CDK2AP1: variants seen among roughly 807,000 people sequenced by gnomAD.
CDK2AP1 encodes the protein cyclin-dependent kinase 2-associated protein 1.
Under a neutral mutation model 14.1 loss-of-function variants are expected in CDK2AP1, and 10 were observed. The observed-to-expected ratio is 0.71, with a 90% CI of 0.44 to 1.20. The LOEUF (loss-of-function observed/expected upper bound fraction) is 1.20. Among genes scored for constraint, CDK2AP1 ranks in the 50% most tolerant of loss-of-function variants. The pLI is 0.00. For missense variants in CDK2AP1, 102 were observed against 149.9 expected (o/e 0.68, Z 1.67); for synonymous variants, 59 against 59.8 (o/e 0.99, Z 0.06).
intron 1 of CDK2AP1, chr12:123,268,282 C>A: frequency 1.0e-6 from 1 of 971,902 alleles, no homozygotes; most frequent in African/African-American, 1.8e-5. Flanking sequence ...TGGTGCCAGG[C>A]TGGCCAAACC....
At position 123,265,489 on chromosome 12, in the gene CDK2AP1, C is replaced by A. The variant is rs2048280624; in HGVS notation, c.154-167G>T. 7.0e-6 allele frequency among the ~76,000 whole-genome samples: 1 copy of A among 142,024 alleles called. No homozygotes were observed. Among genetic ancestry groups the A allele is most frequent in the South Asian group, 2.3e-4 (1 of 4,296 alleles). The allele number at this position is 142,024 out of a possible 152,430, so 93.2% of individuals were successfully genotyped here. A position where few individuals can be genotyped will look rare whatever the true frequency, so the allele number is the denominator to read the frequency against. On this transcript the variant is annotated intron_variant, in intron 2 of 3. Transcript: ENST00000261692. The surrounding 1 kb of genome is among the most constrained non-coding windows in gnomAD (Gnocchi z 5.3). The stretch of plus-strand genomic sequence containing the variant: ...CTGCACTCCAGCCTGGGCAACAGAG[C>A]GAGACTCCATCTCGGGGGAAAAAAA...
chr12:123,269,175 C>CAGACAG (rs1272055865), intron 1 of CDK2AP1: 2 of 152,620 alleles, frequency 1.3e-5, no homozygotes, highest in African/African-American at 4.8e-5. Flanking sequence ...TGTGTGACCT[C>CAGACAG]AGACAGGCTC....
At chr12:123,271,135 G>A in intron 1 of CDK2AP1, 1 of 576,024 alleles carries the variant, frequency 1.7e-6, no homozygotes, top group Non-Finnish European at 2.2e-6. Context: ...GCTGCTTCAC[G>A]ACCCCGCTCC....
intron 1 of CDK2AP1, among the ~76,000 whole-genome samples, chr12:123,268,807 C>A (rs994513397): frequency 3.3e-5 from 5 of 152,314 alleles, no homozygotes; most frequent in African/African-American, 1.2e-4. Flanking sequence ...AGGGTGATGT[C>A]CCCCAGAGCC....
Position 123,271,567 on chromosome 12 carries a change from C to T in CDK2AP1, c.52G>A (p.Ala18Thr), listed in dbSNP as rs1273630983. The change falls in exon 1 of 4, where the codon GCC (alanine) becomes ACC (threonine). Residue 18 changes from alanine to threonine, a missense_variant. Physicochemically the swap from Ala to Thr is moderately conservative, Grantham distance 58. Transcript: ENST00000261692. The part of the protein sequence containing the change: ...AAHMPAAALN[A>T]AGSVHSPSTS... ...GCGTCGCACGCGGCTCACTCACCGG[C>T]GTTGAGGGCGGCGGCGGGCATGTGC... 1.5e-5 allele frequency: 15 copies of T among 1,008,030 alleles called. No individual in the cohort carries two copies. The highest frequency in any genetic ancestry group is 1.8e-5 in the Non-Finnish European group (15 of 845,650). The allele number at this position is 1,008,030 out of a possible 1,614,324, so 62.4% of individuals were successfully genotyped here.
intron 1 of CDK2AP1, chr12:123,271,062 G>A: frequency 7.5e-6 from 1 of 132,568 alleles, no homozygotes; most frequent in Non-Finnish European, 1.3e-5. Flanking sequence ...CCGCAGCCCC[G>A]CAGCCCTCCA....
At chr12:123,268,064 G>T in intron 1 of CDK2AP1, 1 of 495,880 alleles carries the variant, frequency 2.0e-6, no homozygotes, top group Non-Finnish European at 2.6e-6. Flanking sequence ...TGGCAGGGGA[G>T]TCCGTGGCTA....
At chr12:123,271,352 C>T (rs1286338623) in intron 1 of CDK2AP1, among the ~76,000 whole-genome samples, 4 of 147,354 alleles carry the variant, frequency 2.7e-5, no homozygotes, top group African/African-American at 9.8e-5. Context: ...CGCCCCGCAC[C>T]CCCAGCCGAG....
intron 1 of CDK2AP1, among the ~76,000 whole-genome samples, chr12:123,268,911 G>C (rs1391734315): frequency 6.6e-6 from 1 of 152,188 alleles, no homozygotes; most frequent in Non-Finnish European, 1.5e-5. Flanking sequence ...CACAGACCTG[G>C]GTTCTGATCC....
At chr12:123,264,462 C>CAAAG (rs2048267225) in intron 3 of CDK2AP1, among the ~76,000 whole-genome samples, 1 of 69,888 alleles carries the variant, frequency 1.4e-5, no homozygotes. Context: ...CTCCGTCTCC[C>CAAAG]AAAAAAAAAA....
intron 3 of CDK2AP1, chr12:123,262,436 C>T (rs552110918): frequency 2.6e-5 from 4 of 152,274 alleles, no homozygotes; most frequent in African/African-American, 9.6e-5. Flanking sequence ...ACATGACTCC[C>T]AGAGGCCACT....
chr12:123,270,280 A>C (rs1224721964), intron 1 of CDK2AP1: 5 of 673,942 alleles, frequency 7.4e-6, no homozygotes, highest in Non-Finnish European at 9.2e-6. Context: ...CCGAGCCCAC[A>C]AGTGAGCAAT....
In CDK2AP1 at chr12:123,265,317, A is replaced by G. The variant is rs769163750; in HGVS notation, c.159T>C (p.Thr53=). Residue 53 remains threonine, a synonymous_variant, in exon 3 of 4, where the codon ACT becomes ACC. Transcript: ENST00000261692. This position sits in a 1 kb window ranked among gnomAD's most constrained non-coding sequence, Gnocchi z 5.3. ...TGCTTTGGGGCACCTGGCTGTTCCC[A>G]GTTCCCTAGAATCAGAAAGAAATGG... The part of the protein sequence containing the change: ...GPPSLGYTQG[T]GNSQVPQSKY... 3 of 1,614,074 alleles carry G rather than the reference A, an allele frequency of 1.9e-6. No individual in the cohort carries two copies. The highest frequency in any genetic ancestry group is 1.1e-5 in the South Asian group (1 of 91,080).
intron 1 of CDK2AP1, among the ~76,000 whole-genome samples, chr12:123,269,786 G>A (rs921952971): frequency 6.6e-6 from 1 of 152,210 alleles, no homozygotes; most frequent in Non-Finnish European, 1.5e-5. Context: ...CAGGGCGTGA[G>A]GGATGATGAC....
intron 1 of CDK2AP1, among the ~76,000 whole-genome samples, chr12:123,269,679 G>A (rs1003219118): frequency 6.6e-6 from 1 of 152,186 alleles, no homozygotes; most frequent in African/African-American, 2.4e-5. Flanking sequence ...CGCCTGGGGG[G>A]CTCTGGGGCG....
intron 3 of CDK2AP1, among the ~76,000 whole-genome samples, chr12:123,262,630 C>T (rs1307385385): frequency 6.6e-6 from 1 of 152,192 alleles, no homozygotes; most frequent in Non-Finnish European, 1.5e-5. Flanking sequence ...GGCTGGAGTG[C>T]AGTGGCACGA....
In CDK2AP1 at chr12:123,261,813, A is replaced by T; in HGVS notation, c.281-10T>A. 6.2e-7 allele frequency: 1 copy of T among 1,606,232 alleles called. No homozygotes were observed. Among genetic ancestry groups the T allele is most frequent in the African/African-American group, 1.3e-5 (1 of 75,002 alleles). ...CTAGCGTGAATGATGCCTGAAACAG[A>T]GGCAGAGACCTGAGGTCAGCAAGTG... On this transcript the variant is annotated splice_polypyrimidine_tract_variant and intron_variant, in intron 3 of 3. Coordinates refer to ENST00000261692, the MANE Select transcript of CDK2AP1 (RefSeq NM_004642.4).
intron 3 of CDK2AP1, among the ~76,000 whole-genome samples, chr12:123,263,187 G>A (rs1025919987): frequency 1.1e-4 from 16 of 149,768 alleles, no homozygotes; most frequent in African/African-American, 3.7e-4. Flanking sequence ...CTCCAGCCTG[G>A]GTGATAGAGC....
chr12:123,266,496 C>T (rs1275875711), intron 2 of CDK2AP1, among the ~76,000 whole-genome samples: 1 of 152,262 alleles, frequency 6.6e-6, no homozygotes, highest in African/African-American at 2.4e-5. Context: ...GGGGCCCAGC[C>T]AGGGAGAGCA....
Sources: allele counts gnomAD v4.1 joint callset (sites outside exome capture counted in the v4.1 genomes callset), GRCh38; gene constraint gnomAD v4.1.1; non-coding constraint Gnocchi (gnomAD v3.1); transcripts MANE v1.5; gene names NCBI Gene and HGNC (gene_info 2026-07-23, HGNC 2026-07-21).